The following CEP43 variants were observed in gnomAD, a reference collection of about 807,000 sequenced individuals.
The protein encoded by CEP43 is FGFR1 oncogene partner.
A neutral mutation model predicts 52.6 loss-of-function variants in CEP43; 36 were observed. The observed-to-expected ratio is 0.68, with a 90% CI of 0.52 to 0.90. The LOEUF is 0.90. CEP43 is among the 40% of genes least tolerant of loss of function. The probability of loss-of-function intolerance (pLI) is 0.00; values close to 1 mark genes in which losing one functional copy is unlikely to be tolerated. For missense variants in CEP43, 506 were observed against 472.8 expected (o/e 1.07, Z -0.65); for synonymous variants, 192 against 172.4 (o/e 1.11, Z -0.89).
In CEP43 at chr6:167,012,393, G is replaced by A. The variant is rs950346587; in HGVS notation, c.520-1115G>A. 2.0e-5 allele frequency among the ~76,000 whole-genome samples: 3 copies of A among 151,574 alleles called. No homozygotes were observed. The East Asian group carries it at 5.8e-4, about 29-fold the overall frequency. On this transcript the variant is annotated intron_variant, in intron 6 of 12. Transcript: ENST00000366847. Reference sequence around the variant, plus strand: ...TTTTTTTTTTCCTAAATACTCATAGGAGGCTATAACCCCAGTGATAGAGTA... The same window carrying A: ...TTTTTTTTTTCCTAAATACTCATAGAAGGCTATAACCCCAGTGATAGAGTA...
intron 7 of CEP43, among the ~76,000 whole-genome samples, chr6:167,018,513 C>A (rs1780152613): frequency 6.6e-6 from 1 of 152,088 alleles, no homozygotes; most frequent in Non-Finnish European, 1.5e-5. Context: ...GCCCCAGCCT[C>A]CTGAGTAGCT....
At position 166,999,470 on chromosome 6, in the gene CEP43, C is replaced by G; in HGVS notation, c.58C>G (p.Leu20Val). 1 of 1,484,354 alleles carries G rather than the reference C, an allele frequency of 6.7e-7. No individual in the cohort carries two copies. Among genetic ancestry groups the G allele is most frequent in the Non-Finnish European group, 9.0e-7 (1 of 1,115,318 alleles). 91.9% of individuals were successfully genotyped at this position (1,484,354 alleles called of 1,614,324 possible). A position where few individuals can be genotyped will look rare whatever the true frequency, so the allele number is the denominator to read the frequency against. Residue 20 changes from leucine (L) to valine (V), a missense_variant, in exon 1 of 13, where the codon CTG (leucine) becomes GTG (valine). By Grantham distance (32) the Leu-to-Val change is conservative. Coordinates refer to ENST00000366847, the MANE Select transcript of CEP43 (RefSeq NM_007045.4). ...GGAGGACACGGAGCTGCGGGACCTGCTGGTGCAGACGCTGGAGAACAGCGG... is the reference window on the plus strand; with the variant it reads ...GGAGGACACGGAGCTGCGGGACCTGGTGGTGCAGACGCTGGAGAACAGCGG... ...AEEDTELRDL[L>V]VQTLENSGVL... is the part of the protein sequence containing the mutation.
chr6:167,017,142 C>T (rs1259545545), intron 7 of CEP43, among the ~76,000 whole-genome samples: 1 of 151,504 alleles, frequency 6.6e-6, no homozygotes, highest in Non-Finnish European at 1.5e-5. Flanking sequence ...ATTACAGGCG[C>T]CCACCACCAA....
Position 167,003,233 on chromosome 6 carries a change from T to C in CEP43, c.197T>C (p.Leu66Ser), listed in dbSNP as rs780130130. ...GTTAATGAGAGCCTGAAAAAGTTTT[T>C]AAATACCAAAGACGGTAAGATGTTC... The part of the protein sequence containing the change: ...PLVNESLKKF[L>S]NTKDGRLVAS... The change falls in exon 3 of 13, where the codon TTA becomes TCA. Residue 66 changes from leucine to serine, a missense_variant. Leu to Ser is a moderately radical substitution (Grantham distance 145, BLOSUM62 -2). Transcript: ENST00000366847. 1 of 1,507,240 alleles carries C rather than the reference T, an allele frequency of 6.6e-7. No individual in the cohort carries two copies. Among genetic ancestry groups the C allele is most frequent in the Non-Finnish European group, 9.0e-7 (1 of 1,112,538 alleles). The allele number at this position is 1,507,240 out of a possible 1,614,324, so 93.4% of individuals were successfully genotyped here. A position where few individuals can be genotyped will look rare whatever the true frequency, so the allele number is the denominator to read the frequency against.
At chr6:167,028,181 T>C in intron 10 of CEP43, 1 of 985,454 alleles carries the variant, frequency 1.0e-6, no homozygotes, top group Non-Finnish European at 1.2e-6. Flanking sequence ...GGTGTTTCAC[T>C]CTGTTGCCAA....
rs1780178620 is a variant in CEP43, at chr6:167,019,499, ATGGTCTT to A, written c.580-2908_580-2902del. On this transcript the variant is annotated intron_variant, in intron 7 of 12. Transcript: ENST00000366847. ...GAATTCATTAATAACCTAGTTGGTA[ATGGTCTT>A]TTGGCAAAAATGAGCCATAGTTATA... Among the ~76,000 whole-genome samples, 3 of 152,302 alleles carry A rather than the reference ATGGTCTT, an allele frequency of 2.0e-5. No homozygotes were observed. The South Asian group carries it at 6.2e-4, about 32-fold the overall frequency.
intron 5 of CEP43, among the ~76,000 whole-genome samples, chr6:167,008,716 C>T (rs1051852589): frequency 6.6e-6 from 1 of 151,980 alleles, no homozygotes; most frequent in Non-Finnish European, 1.5e-5. Context: ...CCTCGTGATC[C>T]ACCCGCCTTG....
At chr6:167,001,343 G>C (rs749286080) in intron 2 of CEP43, among the ~76,000 whole-genome samples, 11 of 152,076 alleles carry the variant, frequency 7.2e-5, no homozygotes, top group Non-Finnish European at 1.3e-4. Context: ...TTTTGAGCTT[G>C]AAAACATGTT....
rs1358602696 is a variant in CEP43 at position 167,051,684 on chromosome 6, A to C, written c.*11706A>C. 1 of 152,270 alleles carries C rather than the reference A, an allele frequency of 6.6e-6. No individual in the cohort carries two copies. Among genetic ancestry groups the C allele is most frequent in the Non-Finnish European group, 1.5e-5 (1 of 68,040 alleles). 9.4% of individuals were successfully genotyped at this position (152,270 alleles called of 1,614,324 possible). A position where few individuals can be genotyped will look rare whatever the true frequency, so the allele number is the denominator to read the frequency against. ...ATTGGTATTGTAATCACTGTAAAAT[A>C]CACTATTATCATTGTAAAATATTCC... On this transcript the variant is annotated 3_prime_UTR_variant, in exon 13 of 13. Transcript: ENST00000366847.
intron 7 of CEP43, among the ~76,000 whole-genome samples, chr6:167,017,243 C>T (rs1384842731): frequency 6.6e-6 from 1 of 152,090 alleles, no homozygotes; most frequent in African/African-American, 2.4e-5. Context: ...GATCCACCTG[C>T]CTTGGGCTCC....
chr6:167,000,180 C>T (rs1207635563), intron 2 of CEP43, 67 bp downstream of exon 2: 4 of 1,260,428 alleles, frequency 3.2e-6, no homozygotes, highest in African/African-American at 1.5e-5. Flanking sequence ...CATTAAAAAC[C>T]GTCTTAAAAA....
At chr6:167,030,373 A>C (rs901266588) in intron 10 of CEP43, among the ~76,000 whole-genome samples, 5 of 152,150 alleles carry the variant, frequency 3.3e-5, no homozygotes, top group African/African-American at 1.2e-4. Context: ...CAAACCAGCC[A>C]CATATGTAGT....
chr6:167,009,469 C>T (rs192852323), intron 5 of CEP43, among the ~76,000 whole-genome samples: 1 of 135,600 alleles, frequency 7.4e-6, no homozygotes, highest in African/African-American at 2.8e-5. Flanking sequence ...AAGATTGCGC[C>T]TCTGCACTCC....
rs1273963982 is a variant in CEP43 at position 167,049,002 on chromosome 6, A to G, written c.*9024A>G. 1 of 152,260 alleles carries G rather than the reference A, an allele frequency of 6.6e-6. No homozygotes were observed. The highest frequency in any genetic ancestry group is 1.5e-5 in the Non-Finnish European group (1 of 68,036). The allele number at this position is 152,260 out of a possible 1,614,324, so 9.4% of individuals were successfully genotyped here. On this transcript the variant is annotated 3_prime_UTR_variant, in exon 13 of 13. Coordinates refer to ENST00000366847, the MANE Select transcript of CEP43 (RefSeq NM_007045.4). ...GAATTAAAAATCATTTTTGATCAACAGAGTAAACTGATTTTTTATCTCTGT... is the reference window on the plus strand; with the variant it reads ...GAATTAAAAATCATTTTTGATCAACGGAGTAAACTGATTTTTTATCTCTGT...
Position 167,022,650 on chromosome 6 carries a change from T to G in CEP43, c.806+15T>G. Reference sequence around the variant, plus strand: ...ACTTACGGTTTGTGAGTAAATGGTTTTTGAGCTATGAGACTAGGGGTTTAA... The same window carrying G: ...ACTTACGGTTTGTGAGTAAATGGTTGTTGAGCTATGAGACTAGGGGTTTAA... On this transcript the variant is annotated intron_variant, in intron 8 of 12. Transcript: ENST00000366847. 6.4e-7 allele frequency: 1 copy of G among 1,554,694 alleles called. No individual in the cohort carries two copies. Among genetic ancestry groups the G allele is most frequent in the Non-Finnish European group, 8.9e-7 (1 of 1,127,176 alleles).
intron 6 of CEP43, among the ~76,000 whole-genome samples, chr6:167,012,872 G>A (rs989792187): frequency 6.6e-6 from 1 of 152,110 alleles, no homozygotes; most frequent in African/African-American, 2.4e-5. Context: ...TTTAGTCTCC[G>A]TTTCTCAGTT....
At chr6:167,000,168 T>C (rs1779701150) in intron 2 of CEP43, 55 bp downstream of exon 2, 4 of 1,343,786 alleles carry the variant, frequency 3.0e-6, no homozygotes, top group Non-Finnish European at 4.2e-6. Flanking sequence ...TAATTTCTTA[T>C]TCATTAAAAA....
chr6:167,005,526 T>G (rs1233772601), intron 5 of CEP43, among the ~76,000 whole-genome samples: 1 of 152,188 alleles, frequency 6.6e-6, no homozygotes, highest in Non-Finnish European at 1.5e-5. Flanking sequence ...GGAAGGGCTT[T>G]CCGAGAAGTT....
intron 7 of CEP43, among the ~76,000 whole-genome samples, chr6:167,018,392 T>C (rs1432151705): frequency 6.6e-6 from 1 of 152,110 alleles, no homozygotes; most frequent in East Asian, 1.9e-4. Flanking sequence ...TATGTGTGTG[T>C]GTGTGTATTT....
Sources: gnomAD v4.1 joint callset for allele counts (sites outside exome capture counted in the v4.1 genomes callset) on GRCh38, gnomAD v4.1.1 for gene constraint, MANE v1.5 for transcripts, NCBI Gene and HGNC (gene_info 2026-07-23, HGNC 2026-07-21) for gene names.